Variants in DAPK2 observed in about 807,000 individuals in gnomAD.
DAPK2 encodes the protein death associated protein kinase 2.
A neutral mutation model predicts 44.1 loss-of-function variants in DAPK2; 35 were observed. The observed-to-expected ratio is 0.79, with a 90% CI of 0.61 to 1.05. The LOEUF is 1.05. Among genes scored for constraint, DAPK2 ranks in the 50% least tolerant of loss-of-function variants. The probability of loss-of-function intolerance (pLI) is 0.00; values close to 1 mark genes in which losing one functional copy is unlikely to be tolerated. For missense variants in DAPK2, 453 were observed against 483.2 expected, an observed-to-expected ratio of 0.94 and a Z score of 0.59; for synonymous variants, 174 against 182.6, an observed-to-expected ratio of 0.95 and a Z score of 0.38.
intron 3 of DAPK2, among the ~76,000 whole-genome samples, chr15:63,969,812 C>T (rs1340423556): frequency 2.0e-5 from 3 of 151,974 alleles, no homozygotes; most frequent in South Asian, 2.1e-4. Context: ...AGAAGGTCAC[C>T]CTATCAGGCA....
chr15:63,974,197 C>T (rs2078286199), intron 2 of DAPK2, among the ~76,000 whole-genome samples: 1 of 152,156 alleles, frequency 6.6e-6, no homozygotes, highest in Non-Finnish European at 1.5e-5. Flanking sequence ...CTAAATCTGG[C>T]AACCCTACTT....
intron 1 of DAPK2, among the ~76,000 whole-genome samples, chr15:64,014,557 T>G (rs2079471319): frequency 6.6e-6 from 1 of 152,214 alleles, no homozygotes; most frequent in African/African-American, 2.4e-5. Context: ...TGCATGGTAC[T>G]GCAGGGGGGC....
At chr15:64,045,042 G>A (rs994275095), upstream of DAPK2, among the ~76,000 whole-genome samples, 4 of 152,192 alleles carry the variant, frequency 2.6e-5, no homozygotes, top group East Asian at 7.7e-4. Context: ...TGCCTGAGTT[G>A]ACACAAGAAA....
chr15:63,965,010 C>T (rs972362885), intron 3 of DAPK2, among the ~76,000 whole-genome samples: 8 of 152,128 alleles, frequency 5.3e-5, no homozygotes, highest in East Asian at 3.9e-4. Flanking sequence ...TGCTTGTGGA[C>T]GTTTATTGAT....
intron 5 of DAPK2, 154 bp from the exon 7 acceptor site, chr15:63,929,731 T>A (rs2079464061): frequency 1.2e-6 from 1 of 858,336 alleles, no homozygotes; most frequent in African/African-American, 1.7e-5. Context: ...TCCATCCTGC[T>A]CTTCAGCAGC....
intron 3 of DAPK2, among the ~76,000 whole-genome samples, chr15:63,964,194 T>G (rs1014093431): frequency 1.3e-5 from 2 of 152,246 alleles, no homozygotes; most frequent in Non-Finnish European, 2.9e-5. Context: ...TTCTCCTTTA[T>G]GTTTGAAGGA....
In DAPK2 at chr15:63,908,294, G is replaced by A. The variant is rs542628999; in HGVS notation, c.*226C>T. The A allele has an allele frequency of 7.7e-6, 3 of 387,234 alleles. No homozygotes were observed. Among genetic ancestry groups the A allele is most frequent in the South Asian group, 1.8e-4 (2 of 11,196 alleles). 24.0% of individuals were successfully genotyped at this position (387,234 alleles called of 1,614,324 possible). On this transcript the variant is annotated 3_prime_UTR_variant, in exon 11 of 11. Transcript: ENST00000261891. This position sits in a 1 kb window ranked among gnomAD's most constrained non-coding sequence, Gnocchi z 5.7. Reference sequence around the variant, plus strand: ...CAGACAGAGGAAAGCCCATTTTATGGAGAATTAAGAGCTTTGGGAATGCTG... The same window carrying A: ...CAGACAGAGGAAAGCCCATTTTATGAAGAATTAAGAGCTTTGGGAATGCTG...
chr15:63,933,805 C>T (rs1159568160), intron 4 of DAPK2, among the ~76,000 whole-genome samples: 1 of 151,100 alleles, frequency 6.6e-6, no homozygotes, highest in Non-Finnish European at 1.5e-5. Context: ...CACTGCGTTG[C>T]CCAGGCTGGT....
At chr15:64,009,606 C>G (rs1342361320) in intron 1 of DAPK2, among the ~76,000 whole-genome samples, 2 of 152,138 alleles carry the variant, frequency 1.3e-5, no homozygotes, top group Non-Finnish European at 2.9e-5. Context: ...CCAAATGCTA[C>G]TCCTGTTTTA....
intron 2 of DAPK2, among the ~76,000 whole-genome samples, chr15:63,974,771 G>C (rs1254814214): frequency 6.6e-6 from 1 of 152,134 alleles, no homozygotes; most frequent in African/African-American, 2.4e-5. Flanking sequence ...GCTTTGCAGG[G>C]CCATTTCAAA....
At chr15:64,005,670 A>C (rs919106618) in intron 1 of DAPK2, among the ~76,000 whole-genome samples, 7 of 152,108 alleles carry the variant, frequency 4.6e-5, no homozygotes, top group African/African-American at 7.2e-5. Context: ...TGTCTTGCCC[A>C]CAAAGGAGAA....
rs1305264860 is a variant in DAPK2, at chr15:63,966,139, C to A, written c.453+5284G>T. Reference sequence around the variant, plus strand: ...CAGGGCCCAGGGCCTCTGTAGTCAGCAGGTGATGAATCCTGCCAGGACTGG... The same window carrying A: ...CAGGGCCCAGGGCCTCTGTAGTCAGAAGGTGATGAATCCTGCCAGGACTGG... On this transcript the variant is annotated intron_variant, in intron 3 of 10. Transcript: ENST00000261891. This position sits in a 1 kb window ranked among gnomAD's most constrained non-coding sequence, Gnocchi z 5.5. Among the ~76,000 whole-genome samples, 1 of 152,212 alleles carries A rather than the reference C, an allele frequency of 6.6e-6. No individual in the cohort carries two copies. Among genetic ancestry groups the A allele is most frequent in the Non-Finnish European group, 1.5e-5 (1 of 68,038 alleles).
chr15:63,952,312 C>A (rs1327492130), intron 3 of DAPK2, among the ~76,000 whole-genome samples: 1 of 152,142 alleles, frequency 6.6e-6, no homozygotes, highest in African/African-American at 2.4e-5. Flanking sequence ...TTACGCTTTT[C>A]AGAGGTGGCA....
At chr15:63,958,224 TTTAAG>T (rs1236518755) in intron 3 of DAPK2, among the ~76,000 whole-genome samples, 1 of 152,126 alleles carries the variant, frequency 6.6e-6, no homozygotes, top group African/African-American at 2.4e-5. Context: ...TGTAAATTTG[TTTAAG>T]TTCTTTGTAG....
chr15:63,922,489 T>G, intron 8 of DAPK2: 1 of 1,285,020 alleles, frequency 7.8e-7, no homozygotes, highest in Non-Finnish European at 9.9e-7. Context: ...GGGTACTCAC[T>G]CTCTAATTGT....
In DAPK2 at chr15:64,033,069, G is replaced by A. The variant is rs1401250543; in HGVS notation, c.92+7101C>T. Among the ~76,000 whole-genome samples the A allele has an allele frequency of 2.0e-5, 3 of 152,094 alleles. 1 individual carries two copies. In the East Asian group the frequency reaches 5.8e-4, roughly 29 times the overall value. ...CCACTGCACTCCAGCCTGGGTGACAGAGCGAGACTCCATCTCAAAAATAAA... is the reference window on the plus strand; with the variant it reads ...CCACTGCACTCCAGCCTGGGTGACAAAGCGAGACTCCATCTCAAAAATAAA... On this transcript the variant is annotated intron_variant, in intron 1 of 10. Transcript: ENST00000261891.
rs1020123043 is a variant in DAPK2, at chr15:63,939,509, T to C, written c.454-148A>G. On this transcript the variant is annotated intron_variant, in intron 3 of 10. Transcript: ENST00000261891. This position sits in a 1 kb window ranked among gnomAD's most constrained non-coding sequence, Gnocchi z 4.3. ...TAGGAGACTGAAACAGCATAAACTC[T>C]TCCTTGTTTTTGGTCCTCAGTCTTC... 2.7e-6 allele frequency: 2 copies of C among 731,046 alleles called. No homozygotes were observed. Among genetic ancestry groups the C allele is most frequent in the African/African-American group, 1.8e-5 (1 of 55,970 alleles). The allele number at this position is 731,046 out of a possible 1,614,324, so 45.3% of individuals were successfully genotyped here. A position where few individuals can be genotyped will look rare whatever the true frequency, so the allele number is the denominator to read the frequency against.
At chr15:64,007,238 TACAGGCACGCACC>T (rs1460369529) in intron 1 of DAPK2, among the ~76,000 whole-genome samples, 2 of 152,096 alleles carry the variant, frequency 1.3e-5, no homozygotes, top group African/African-American at 4.8e-5. Context: ...TAGCTGGGAT[TACAGGCACGCACC>T]ACCATGCCCA....
chr15:64,039,381 T>C (rs1162070989), intron 1 of DAPK2, among the ~76,000 whole-genome samples: 1 of 152,210 alleles, frequency 6.6e-6, no homozygotes, highest in Non-Finnish European at 1.5e-5. Flanking sequence ...ACCTTGGCTA[T>C]GTCACTCACT....
Sources: gnomAD v4.1 joint callset for allele counts (sites outside exome capture counted in the v4.1 genomes callset) on GRCh38, gnomAD v4.1.1 for gene constraint, Gnocchi (gnomAD v3.1) non-coding constraint, MANE v1.5 for transcripts, NCBI Gene and HGNC (gene_info 2026-07-23, HGNC 2026-07-21) for gene names.